CHST15: variants seen among roughly 807,000 people sequenced by gnomAD.
The protein encoded by CHST15 is carbohydrate sulfotransferase 15.
In CHST15, 30 loss-of-function variants were observed where a neutral mutation model predicts 53.6. The ratio of observed to expected loss-of-function variants is 0.56; its 90% confidence interval spans 0.42 to 0.76. CHST15 has a LOEUF of 0.76. Ranked by LOEUF, CHST15 falls within the 30% of genes least tolerant of loss-of-function variation. The pLI, the probability that CHST15 is intolerant of heterozygous loss-of-function variation, is 0.00. For synonymous variants in CHST15, 296 were observed against 289.8 expected (o/e 1.02, Z -0.22); for missense variants, 627 against 740.5 (o/e 0.85, Z 1.78).
At chr10:124,081,976 G>A (rs1257738048) in intron 1 of CHST15, among the ~76,000 whole-genome samples, 2 of 152,150 alleles carry the variant, frequency 1.3e-5, no homozygotes, top group African/African-American at 2.4e-5. Flanking sequence ...TAAGCAGCCG[G>A]GCCGCCCATC....
In CHST15 at chr10:124,044,893, G is replaced by A. The variant is rs200698024; in HGVS notation, c.573C>T (p.Phe191=). The A allele has an allele frequency of 6.9e-7, 1 of 1,450,702 alleles. No individual in the cohort carries two copies. Among genetic ancestry groups the A allele is most frequent in the East Asian group, 2.6e-5 (1 of 38,124 alleles). 89.9% of individuals were successfully genotyped at this position (1,450,702 alleles called of 1,614,324 possible). A position where few individuals can be genotyped will look rare whatever the true frequency, so the allele number is the denominator to read the frequency against. The change falls in exon 3 of 8, where the codon TTC becomes TTT. Residue 191 remains phenylalanine, a synonymous_variant. Transcript: ENST00000435907. ...AACAGGGGCTCTTACTGTTTGGAAG[G>A]AATTTGTTGGGGATGACTGAAAACA... is the stretch of plus-strand genomic sequence containing the variant. ...LHMFSVIPNK[F]LPNSKSPCWY... is the part of the protein sequence containing the mutation.
chr10:124,042,191 T>C, intron 4 of CHST15, 110 bp downstream of exon 4: 1 of 1,142,272 alleles, frequency 8.8e-7, no homozygotes. Flanking sequence ...AGAAGTTTGC[T>C]GCCACCATGT....
intron 6 of CHST15, chr10:124,020,966 G>T (rs181100301): frequency 7.2e-7 from 1 of 1,392,834 alleles, no homozygotes; most frequent in South Asian, 1.7e-5. Flanking sequence ...TCTAATTGCT[G>T]GGTGTCTTGC....
rs543135702 is a variant in CHST15, at chr10:124,024,523, A to G, written c.1191-3111T>C. Among the ~76,000 whole-genome samples, 407 of 152,282 alleles carry G rather than the reference A, an allele frequency of 2.7e-3. 2 individuals carry two copies. The highest frequency in any genetic ancestry group is 6.8e-3 in the Middle Eastern group (2 of 294). ...AGCCAAACTGTCCAAAGAGACAGTC[A>G]GCAAAGGGGCTCGGTGGCCACTGAG... On this transcript the variant is annotated intron_variant, in intron 5 of 7. Coordinates refer to ENST00000435907, the MANE Select transcript of CHST15 (RefSeq NM_001270764.2). The surrounding 1 kb of genome is among the most constrained non-coding windows in gnomAD (Gnocchi z 4.0).
Position 124,019,773 on chromosome 10 carries a change from C to T in CHST15, c.1347+1483G>A, listed in dbSNP as rs1167523907. 1.0e-6 allele frequency: 1 copy of T among 985,372 alleles called. No individual in the cohort carries two copies. Among genetic ancestry groups the T allele is most frequent in the East Asian group, 1.1e-4 (1 of 8,816 alleles). The allele number at this position is 985,372 out of a possible 1,614,324, so 61.0% of individuals were successfully genotyped here. ...ACCCTCTGAGGGGTCCCATCTCTCT[C>T]AGGGTGATGTCTAGACTTCTTCTGA... On this transcript the variant is annotated intron_variant, in intron 6 of 7. Transcript: ENST00000435907. This position sits in a 1 kb window ranked among gnomAD's most constrained non-coding sequence, Gnocchi z 4.6.
chr10:124,068,641 T>C (rs1948822244), intron 1 of CHST15, among the ~76,000 whole-genome samples: 1 of 152,232 alleles, frequency 6.6e-6, no homozygotes, highest in Non-Finnish European at 1.5e-5. Context: ...GTCCTTCATA[T>C]TCAAATCCAG....
intron 3 of CHST15, among the ~76,000 whole-genome samples, chr10:124,043,635 G>A (rs753508420): frequency 1.1e-4 from 17 of 152,234 alleles, no homozygotes; most frequent in Non-Finnish European, 2.2e-4. Flanking sequence ...GTTACAGAGA[G>A]GAAACAGTGA....
At chr10:124,010,553 G>A (rs1946382025) in intron 7 of CHST15, 2 of 985,468 alleles carry the variant, frequency 2.0e-6, no homozygotes, top group Middle Eastern at 5.2e-4. Context: ...ATTCTGCGGC[G>A]GGTGCAGGAT....
Position 124,007,678 on chromosome 10 carries a change from A to G in CHST15, c.*2471T>C. On this transcript the variant is annotated 3_prime_UTR_variant, in exon 8 of 8. Coordinates refer to ENST00000435907, the MANE Select transcript of CHST15 (RefSeq NM_001270764.2). ...TGCACCAGGAAGAGCTTGGCTGCAG[A>G]GGAAGAGCACGCGCTCCACAGGCGT... 1.6e-6 allele frequency: 2 copies of G among 1,217,428 alleles called. No individual in the cohort carries two copies. The highest frequency in any genetic ancestry group is 2.0e-6 in the Non-Finnish European group (2 of 979,756). The allele number at this position is 1,217,428 out of a possible 1,614,324, so 75.4% of individuals were successfully genotyped here.
At chr10:124,022,712 A>T (rs557888772) in intron 5 of CHST15, among the ~76,000 whole-genome samples, 2 of 150,980 alleles carry the variant, frequency 1.3e-5, no homozygotes, top group South Asian at 4.2e-4. Context: ...CAAGAATCCC[A>T]TCGGGTTGGT....
At chr10:124,059,191 T>G (rs1428040894) in intron 1 of CHST15, among the ~76,000 whole-genome samples, 1 of 152,226 alleles carries the variant, frequency 6.6e-6, no homozygotes, top group Non-Finnish European at 1.5e-5. Flanking sequence ...TCAGCATTGT[T>G]CCATGGGTGC....
rs1947770035 is a variant in CHST15, at chr10:124,042,312, G to A, written c.1022C>T (p.Thr341Ile). The change falls in exon 4 of 8, where the codon ACA (threonine) becomes ATA (isoleucine). Residue 341 changes from threonine to isoleucine, a missense_variant. Physicochemically the swap from Thr to Ile is moderately conservative, Grantham distance 89 (BLOSUM62 -1). Transcript: ENST00000435907. ...SSAKEQSKMN[T>I]IIIGEASAST... The stretch of plus-strand genomic sequence containing the variant: ...CACAGACGCCTTACCGATAATGATT[G>A]TATTCATCTTGCTCTGCTCCTTTGC... The A allele has an allele frequency of 6.2e-7, 1 of 1,612,314 alleles. No individual in the cohort carries two copies. The highest frequency in any genetic ancestry group is 1.7e-5 in the Admixed American group (1 of 59,976).
intron 5 of CHST15, among the ~76,000 whole-genome samples, chr10:124,030,178 C>G (rs1337686387): frequency 6.6e-6 from 1 of 152,228 alleles, no homozygotes; most frequent in Non-Finnish European, 1.5e-5. Flanking sequence ...CAGAGAACCC[C>G]TTCACAAAGA....
At position 124,009,171 on chromosome 10, in the gene CHST15, T is replaced by C; in HGVS notation, c.*978A>G. The C allele has an allele frequency of 8.4e-7, 1 of 1,186,604 alleles. No individual in the cohort carries two copies. The highest frequency in any genetic ancestry group is 1.5e-5 in the South Asian group (1 of 64,962). The allele number at this position is 1,186,604 out of a possible 1,614,324, so 73.5% of individuals were successfully genotyped here. A position where few individuals can be genotyped will look rare whatever the true frequency, so the allele number is the denominator to read the frequency against. On this transcript the variant is annotated 3_prime_UTR_variant, in exon 8 of 8. Transcript: ENST00000435907. ...GAACTAAAAATTAAAATCCTCTGTTTCTCTGATGATCTTGTAAACCTGATG... is the reference window on the plus strand; with the variant it reads ...GAACTAAAAATTAAAATCCTCTGTTCCTCTGATGATCTTGTAAACCTGATG...
rs150810609 is a variant in CHST15, at chr10:124,009,255, T to C, written c.*894A>G. On this transcript the variant is annotated 3_prime_UTR_variant, in exon 8 of 8. Transcript: ENST00000435907. The stretch of plus-strand genomic sequence containing the variant: ...TTCAATTCCTTGAGGTTGCTCATTC[T>C]GGCATTAACAGCAAAAATTTCTCTT... 4 of 1,085,018 alleles carry C rather than the reference T, an allele frequency of 3.7e-6. No individual in the cohort carries two copies. The East Asian group carries it at 2.9e-4, about 78-fold the overall frequency. The allele number at this position is 1,085,018 out of a possible 1,614,324, so 67.2% of individuals were successfully genotyped here.
chr10:124,042,479 G>A, intron 3 of CHST15, 32 bp from the exon 4 acceptor site: 1 of 1,607,018 alleles, frequency 6.2e-7, no homozygotes, highest in Non-Finnish European at 8.5e-7. Context: ...AGATACTGAG[G>A]ACAAAGTTGC....
chr10:124,017,924 T>C (rs1396582480), intron 6 of CHST15, among the ~76,000 whole-genome samples: 1 of 152,214 alleles, frequency 6.6e-6, no homozygotes, highest in Non-Finnish European at 1.5e-5. Context: ...TGGTGGCTCT[T>C]GTCTACCAGG....
chr10:124,034,488 C>A (rs542968426), intron 5 of CHST15, among the ~76,000 whole-genome samples: 27 of 152,020 alleles, frequency 1.8e-4, no homozygotes, highest in African/African-American at 6.5e-4. Context: ...GACCAGAACT[C>A]CAGGAAGAAA....
At chr10:124,022,964 C>T (rs1946844668) in intron 5 of CHST15, among the ~76,000 whole-genome samples, 2 of 151,940 alleles carry the variant, frequency 1.3e-5, no homozygotes, top group African/African-American at 4.8e-5. Flanking sequence ...CTACAGGCGC[C>T]TGCCCACCAA....
Sources: gnomAD v4.1 joint callset for allele counts (sites outside exome capture counted in the v4.1 genomes callset) on GRCh38, gnomAD v4.1.1 for gene constraint, Gnocchi (gnomAD v3.1) non-coding constraint, MANE v1.5 for transcripts, NCBI Gene and HGNC (gene_info 2026-07-23, HGNC 2026-07-21) for gene names.